RARRES1: variants seen among roughly 807,000 people sequenced by gnomAD.
RARRES1 encodes the protein retinoic acid receptor responder protein 1.
RARRES1 carries 34 observed loss-of-function variants against 30.6 expected under a neutral mutation model. That is an observed-to-expected ratio of 1.11 (90% CI 0.84 to 1.48). The LOEUF is 1.48. Among genes scored for constraint, RARRES1 ranks in the 40% most tolerant of loss-of-function variants. The pLI is 0.00. For synonymous variants in RARRES1, 153 were observed against 155.5 expected (o/e 0.98, Z 0.12); for missense variants, 373 against 386.5 (o/e 0.97, Z 0.29).
At chr3:158,704,545 C>T (rs192904316) in intron 4 of RARRES1, 137 of 447,578 alleles carry the variant, frequency 3.1e-4, no homozygotes, top group Admixed American at 1.9e-3. Flanking sequence ...TATTAGCTCA[C>T]TGTCTCTTTT....
At chr3:158,718,919 TC>T (rs1433238195) in intron 1 of RARRES1, among the ~76,000 whole-genome samples, 1 of 152,146 alleles carries the variant, frequency 6.6e-6, no homozygotes, top group East Asian at 1.9e-4. Flanking sequence ...GACCAACAAT[TC>T]TAGCTTTCCT....
chr3:158,719,245 A>G (rs889936719), intron 1 of RARRES1, among the ~76,000 whole-genome samples: 1 of 151,476 alleles, frequency 6.6e-6, no homozygotes, highest in Non-Finnish European at 1.5e-5. Flanking sequence ...ATCATGGGCC[A>G]CTAATAACAT....
intron 4 of RARRES1, among the ~76,000 whole-genome samples, chr3:158,704,299 C>T (rs552173312): frequency 8.2e-5 from 11 of 134,726 alleles, no homozygotes; most frequent in African/African-American, 2.9e-4. Context: ...GTAGCTCAAT[C>T]ATAGCTTATT....
At chr3:158,713,882 T>G (rs887645406) in intron 1 of RARRES1, 23 bp from the exon 2 acceptor site, 7 of 1,598,140 alleles carry the variant, frequency 4.4e-6, no homozygotes, top group Middle Eastern at 1.7e-4. Context: ...AACTGAATCT[T>G]AGTATAGTAG....
chr3:158,719,388 C>T (rs1436280068), intron 1 of RARRES1, among the ~76,000 whole-genome samples: 1 of 151,742 alleles, frequency 6.6e-6, no homozygotes, highest in Non-Finnish European at 1.5e-5. Flanking sequence ...TGTCCTGCCT[C>T]AGCCTCCCGA....
rs781270148 is a variant in RARRES1 at position 158,710,911 on chromosome 3, C to CT, written c.361_362insA (p.Gly121GlufsTer59). 34 of 1,613,928 alleles carry CT rather than the reference C, an allele frequency of 2.1e-5. No homozygotes were observed. The African/African-American group carries it at 4.3e-4, about 20-fold the overall frequency. On this transcript the variant is annotated frameshift_variant, in exon 3 of 6. Transcript: ENST00000237696. LOFTEE classifies it high-confidence loss of function. ...TCGAGCAGAACATTTCCCCAAACGTCCCTCACCTTCCTGAAGTAAAGACTG... is the reference window on the plus strand; with the variant it reads ...TCGAGCAGAACATTTCCCCAAACGTCTCCTCACCTTCCTGAAGTAAAGACTG...
chr3:158,711,447 C>T (rs950404444), intron 2 of RARRES1, among the ~76,000 whole-genome samples: 1 of 152,122 alleles, frequency 6.6e-6, no homozygotes, highest in African/African-American at 2.4e-5. Context: ...TAAGCCAGGG[C>T]TTGACCTCAC....
chr3:158,706,911 G>A (rs773997585), intron 3 of RARRES1, among the ~76,000 whole-genome samples: 6 of 152,212 alleles, frequency 3.9e-5, no homozygotes, highest in Non-Finnish European at 7.3e-5. Flanking sequence ...GCTCACGCCT[G>A]TAATCCCAGC....
chr3:158,714,055 C>T (rs1206137783), intron 1 of RARRES1, among the ~76,000 whole-genome samples, 196 bp from the exon 2 acceptor site: 1 of 152,010 alleles, frequency 6.6e-6, no homozygotes, highest in Non-Finnish European at 1.5e-5. Context: ...AGTTTGACAC[C>T]TACTCACAAA....
chr3:158,707,083 C>G, intron 3 of RARRES1, among the ~76,000 whole-genome samples: 1 of 152,256 alleles, frequency 6.6e-6, no homozygotes. Flanking sequence ...GCAGGAGAAT[C>G]GCTTGAACCC....
In RARRES1 at chr3:158,697,931, G is replaced by C. The variant is rs1486283143; in HGVS notation, c.712C>G (p.Leu238Val). ...ACCTGTGTTGATAATTCATGAAGTAGAACAGTATAATCAAAATCAATTGTA... is the reference window on the plus strand; with the variant it reads ...ACCTGTGTTGATAATTCATGAAGTACAACAGTATAATCAAAATCAATTGTA... ...DDTIDFDYTVLLHELSTQEII... is the reference protein window; with the variant it reads ...DDTIDFDYTVVLHELSTQEII... Residue 238 changes from leucine to valine, a missense_variant, in exon 5 of 6, where the codon CTA becomes GTA. Physicochemically the swap from Leu to Val is conservative, Grantham distance 32 (BLOSUM62 1). Coordinates refer to ENST00000237696, the MANE Select transcript of RARRES1 (RefSeq NM_206963.2). 1 of 1,549,420 alleles carries C rather than the reference G, an allele frequency of 6.5e-7. No homozygotes were observed. Among genetic ancestry groups the C allele is most frequent in the Non-Finnish European group, 8.9e-7 (1 of 1,123,168 alleles).
In RARRES1 at chr3:158,710,719, T is replaced by A; in HGVS notation, c.535+19A>T. 1 of 1,564,134 alleles carries A rather than the reference T, an allele frequency of 6.4e-7. No homozygotes were observed. The highest frequency in any genetic ancestry group is 8.7e-7 in the Non-Finnish European group (1 of 1,143,058). Reference sequence around the variant, plus strand: ...TACATACATTCCTGAATATAGAAATTCCAAATGCTGATTCATACCAGGTAT... The same window carrying A: ...TACATACATTCCTGAATATAGAAATACCAAATGCTGATTCATACCAGGTAT... On this transcript the variant is annotated intron_variant, in intron 3 of 5. Transcript: ENST00000237696.
chr3:158,721,735 C>T (rs1044045473), intron 1 of RARRES1, among the ~76,000 whole-genome samples: 6 of 152,194 alleles, frequency 3.9e-5, no homozygotes, highest in African/African-American at 1.4e-4. Context: ...CAGGTCTACC[C>T]TCTGCTTCTG....
chr3:158,712,781 C>T (rs1293211993), intron 2 of RARRES1, among the ~76,000 whole-genome samples: 13 of 152,196 alleles, frequency 8.5e-5, no homozygotes, highest in Non-Finnish European at 1.5e-5. Flanking sequence ...TCTTCACCCC[C>T]TGAAATGGAA....
At chr3:158,704,447 G>T (rs536340269) in intron 4 of RARRES1, among the ~76,000 whole-genome samples, 1 of 151,932 alleles carries the variant, frequency 6.6e-6, no homozygotes, top group African/African-American at 2.4e-5. Context: ...ACCCAGGCTG[G>T]TCTCAAACTC....
In RARRES1 at chr3:158,704,792, C is replaced by T. The variant is rs559977164; in HGVS notation, c.671G>A (p.Trp224Ter). ...YLAQLTSVRQ[W>*]KTNDDTIDFD... Reference sequence around the variant, plus strand: ...AGTTAATTTTCAGGTTTTTCTTACCCACTGCCTCACACTAGTGAGCTGTGC... The same window carrying T: ...AGTTAATTTTCAGGTTTTTCTTACCTACTGCCTCACACTAGTGAGCTGTGC... The change falls in exon 4 of 6, where the codon TGG (tryptophan) becomes TAG (stop). Residue 224 changes from tryptophan to a stop codon, truncating the protein, a stop_gained and splice_region_variant. Coordinates refer to ENST00000237696, the MANE Select transcript of RARRES1 (RefSeq NM_206963.2). LOFTEE classifies it high-confidence loss of function. 2.3e-5 allele frequency: 37 copies of T among 1,610,246 alleles called. 1 individual carries two copies. In the Admixed American group the frequency reaches 5.2e-4, roughly 23 times the overall value.
chr3:158,702,565 T>C (rs897193661), intron 4 of RARRES1, among the ~76,000 whole-genome samples: 1 of 152,254 alleles, frequency 6.6e-6, no homozygotes, highest in African/African-American at 2.4e-5. Flanking sequence ...TTTTCTGTTA[T>C]CTCAATGTGT....
In RARRES1 at chr3:158,697,481, G is replaced by A; in HGVS notation, c.*197C>T. ...TTTAGCACTGAGCAGAGTTCAGTGTGCATGCGCTTCCAGAGTTAAAAGCTA... is the reference window on the plus strand; with the variant it reads ...TTTAGCACTGAGCAGAGTTCAGTGTACATGCGCTTCCAGAGTTAAAAGCTA... On this transcript the variant is annotated 3_prime_UTR_variant, in exon 6 of 6. Coordinates refer to ENST00000237696, the MANE Select transcript of RARRES1 (RefSeq NM_206963.2). The A allele has an allele frequency of 3.5e-6, 2 of 575,838 alleles. No individual in the cohort carries two copies. The highest frequency in any genetic ancestry group is 4.7e-4 in the Middle Eastern group (1 of 2,144). 35.7% of individuals were successfully genotyped at this position (575,838 alleles called of 1,614,324 possible).
At position 158,732,267 on chromosome 3, in the gene RARRES1, T is replaced by A; in HGVS notation, c.149A>T (p.Gln50Leu). Residue 50 changes from glutamine (Q) to leucine (L), a missense_variant, in exon 1 of 6, where the codon CAG (glutamine) becomes CTG (leucine). Gln to Leu is a moderately radical substitution (Grantham distance 113). Coordinates refer to ENST00000237696, the MANE Select transcript of RARRES1 (RefSeq NM_206963.2). ...SGDPDDPGQP[Q>L]DAGVPRRLLQ... is the part of the protein sequence containing the mutation. ...GAGCCTGCGCGGGACCCCAGCATCC[T>A]GAGGCTGCCCAGGGTCGTCGGGGTC... The A allele has an allele frequency of 7.3e-7, 1 of 1,366,092 alleles. No individual in the cohort carries two copies. The highest frequency in any genetic ancestry group is 9.3e-7 in the Non-Finnish European group (1 of 1,070,006). 84.6% of individuals were successfully genotyped at this position (1,366,092 alleles called of 1,614,324 possible).
Sources: gnomAD v4.1 joint callset for allele counts (sites outside exome capture counted in the v4.1 genomes callset) on GRCh38, gnomAD v4.1.1 for gene constraint, MANE v1.5 for transcripts, NCBI Gene and HGNC (gene_info 2026-07-23, HGNC 2026-07-21) for gene names.